Variants in NFIA observed in about 807,000 individuals in gnomAD.
The protein encoded by NFIA is nuclear factor 1 A-type.
Under a neutral mutation model 62.8 loss-of-function variants are expected in NFIA, and 8 were observed. That is an observed-to-expected ratio of 0.13 (90% CI 0.07 to 0.23). NFIA has a LOEUF of 0.23. Ranked by LOEUF, NFIA falls within the 10% of genes least tolerant of loss-of-function variation. The probability of loss-of-function intolerance (pLI) is 1.00; values close to 1 mark genes in which losing one functional copy is unlikely to be tolerated. For missense variants in NFIA, 410 were observed against 642.1 expected (o/e 0.64, Z 3.91); for synonymous variants, 235 against 238.1 (o/e 0.99, Z 0.12).
chr1:61,387,481 T>TGTTTG (rs1557749422), intron 7 of NFIA, among the ~76,000 whole-genome samples: 2 of 137,758 alleles, frequency 1.5e-5, no homozygotes, highest in Non-Finnish European at 3.2e-5. Context: ...TTTTTTTTTT[T>TGTTTG]TTTTTTTTTT....
At chr1:61,169,699 G>A (rs1046491958) in intron 2 of NFIA, among the ~76,000 whole-genome samples, 12 of 152,130 alleles carry the variant, frequency 7.9e-5, no homozygotes, top group Non-Finnish European at 1.8e-4. Flanking sequence ...TTTAAAACAT[G>A]GCCCATGATG....
chr1:61,389,673 A>G (rs1379846712), intron 7 of NFIA, among the ~76,000 whole-genome samples: 1 of 151,910 alleles, frequency 6.6e-6, no homozygotes, highest in Non-Finnish European at 1.5e-5. Flanking sequence ...CACATTTTTT[A>G]TGAGTCAAAG....
intron 5 of NFIA, among the ~76,000 whole-genome samples, chr1:61,352,935 G>T (rs970767288): frequency 2.0e-5 from 3 of 152,124 alleles, no homozygotes; most frequent in African/African-American, 7.2e-5. Context: ...AATTCTGGGT[G>T]GGGTGAAAAA....
At chr1:61,420,799 C>T (rs1666583528) in intron 9 of NFIA, among the ~76,000 whole-genome samples, 1 of 152,024 alleles carries the variant, frequency 6.6e-6, no homozygotes, top group Non-Finnish European at 1.5e-5. Flanking sequence ...TGTCTAGTTG[C>T]CTTAACAGTG....
chr1:61,426,579 G>C, intron 10 of NFIA, 23 bp downstream of exon 10: 1 of 1,514,390 alleles, frequency 6.6e-7, no homozygotes. Flanking sequence ...CATCTTTTCT[G>C]TATGTGGTGC....
intron 2 of NFIA, among the ~76,000 whole-genome samples, chr1:61,211,302 A>G (rs1404318708): frequency 1.3e-5 from 2 of 152,228 alleles, no homozygotes; most frequent in Non-Finnish European, 2.9e-5. Context: ...TGAAGCCTTA[A>G]TAATATTTAG....
At chr1:61,121,210 C>T (rs1481354813) in intron 2 of NFIA, among the ~76,000 whole-genome samples, 2 of 152,110 alleles carry the variant, frequency 1.3e-5, no homozygotes, top group African/African-American at 2.4e-5. Context: ...CTGCTTTTCC[C>T]AGGGCTCTTT....
intron 2 of NFIA, among the ~76,000 whole-genome samples, chr1:61,240,754 G>A (rs1240993943): frequency 1.3e-5 from 2 of 152,032 alleles, no homozygotes; most frequent in African/African-American, 4.8e-5. Context: ...TGGTAATGAT[G>A]CCAGAGTCAC....
intron 3 of NFIA, among the ~76,000 whole-genome samples, chr1:61,325,996 GCATTCA>G (rs1660917688): frequency 6.6e-6 from 1 of 150,692 alleles, no homozygotes; most frequent in Non-Finnish European, 1.5e-5. Flanking sequence ...TGATTATAGT[GCATTCA>G]CATATGTTTT....
At chr1:61,252,161 A>G (rs190442063) in intron 2 of NFIA, among the ~76,000 whole-genome samples, 51 of 152,282 alleles carry the variant, frequency 3.3e-4, no homozygotes, top group Non-Finnish European at 5.4e-4. Context: ...TTTTCTTTGG[A>G]TAGACCCTCA....
intron 3 of NFIA, among the ~76,000 whole-genome samples, chr1:61,315,251 A>T (rs895432000): frequency 6.6e-6 from 1 of 152,224 alleles, no homozygotes; most frequent in Non-Finnish European, 1.5e-5. Context: ...TAATGGTGAC[A>T]CTGAGGGTCA....
At chr1:61,271,394 T>C (rs951267931) in intron 2 of NFIA, among the ~76,000 whole-genome samples, 1 of 152,194 alleles carries the variant, frequency 6.6e-6, no homozygotes, top group African/African-American at 2.4e-5. Flanking sequence ...ACCAGAAAAG[T>C]TGAATTTCTG....
intron 10 of NFIA, among the ~76,000 whole-genome samples, chr1:61,443,105 A>C (rs573058291): frequency 6.6e-6 from 1 of 152,340 alleles, no homozygotes; most frequent in East Asian, 1.9e-4. Flanking sequence ...AAAGCTTTGC[A>C]TATAGCTAGC....
chr1:61,265,058 A>T lies in NFIA; in HGVS notation c.560-12462A>T, dbSNP rs946248070. Among the ~76,000 whole-genome samples, 19 of 152,298 alleles carry T rather than the reference A, an allele frequency of 1.2e-4. No homozygotes were observed. The East Asian group carries it at 3.7e-3, about 29-fold the overall frequency. ...GTTTGTTTTTTCCTTGTTATATAGG[A>T]TGTTTGCAGTTTTCCCATTTGTATC... On this transcript the variant is annotated intron_variant, in intron 2 of 10. Transcript: ENST00000403491.
Position 61,278,486 on chromosome 1 carries a change from G to T in NFIA, c.625+901G>T, listed in dbSNP as rs563237341. On this transcript the variant is annotated intron_variant, in intron 3 of 10. Transcript: ENST00000403491. ...GGGCCTGTGGGGAGAATATGCCATT[G>T]TGATTAAAAGCTCAGGCTGTGGGCT... Among the ~76,000 whole-genome samples the T allele has an allele frequency of 1.8e-4, 28 of 152,256 alleles. No individual in the cohort carries two copies. In the South Asian group the frequency reaches 4.2e-3, roughly 23 times the overall value.
In NFIA at chr1:61,230,112, T is replaced by G. The variant is rs138068978; in HGVS notation, c.560-47408T>G. On this transcript the variant is annotated intron_variant, in intron 2 of 10. Coordinates refer to ENST00000403491, the MANE Select transcript of NFIA (RefSeq NM_001134673.4). ...TATCTACCTAGACAAAAGGTTTAAT[T>G]AAAAAACATTTGGAATTAATAAGAA... is the stretch of plus-strand genomic sequence containing the variant. Among the ~76,000 whole-genome samples, 90 of 152,252 alleles carry G rather than the reference T, an allele frequency of 5.9e-4. No individual in the cohort carries two copies. In the East Asian group the frequency reaches 0.016, roughly 27 times the overall value.
intron 4 of NFIA, among the ~76,000 whole-genome samples, chr1:61,337,437 T>G (rs1661672117): frequency 6.6e-6 from 1 of 152,166 alleles, no homozygotes; most frequent in African/African-American, 2.4e-5. Context: ...TGCTAGTTTT[T>G]CCCCCATGTG....
At chr1:61,116,233 CTTG>C (rs1344853337) in intron 2 of NFIA, among the ~76,000 whole-genome samples, 1 of 152,070 alleles carries the variant, frequency 6.6e-6, no homozygotes, top group Non-Finnish European at 1.5e-5. Flanking sequence ...TGAGGAAGCC[CTTG>C]TATACAGTGA....
At chr1:61,241,044 G>C (rs1570437220) in intron 2 of NFIA, among the ~76,000 whole-genome samples, 1 of 149,274 alleles carries the variant, frequency 6.7e-6, no homozygotes, top group East Asian at 2.0e-4. Context: ...GGAGAGTTTT[G>C]TGCTGCATGA....
Sources: gnomAD v4.1 joint callset for allele counts (sites outside exome capture counted in the v4.1 genomes callset) on GRCh38, gnomAD v4.1.1 for gene constraint, MANE v1.5 for transcripts, NCBI Gene and HGNC (gene_info 2026-07-23, HGNC 2026-07-21) for gene names.